MTHFD1: variants seen among roughly 807,000 people sequenced by gnomAD.
MTHFD1 encodes methylenetetrahydrofolate dehydrogenase, cyclohydrolase and formyltetrahydrofolate synthetase 1.
Under a neutral mutation model 110.3 loss-of-function variants are expected in MTHFD1, and 44 were observed. That is an observed-to-expected ratio of 0.40 (90% CI 0.31 to 0.51). The LOEUF is 0.51. MTHFD1 is among the 20% of genes least tolerant of loss of function. MTHFD1 has a pLI of 0.60. For missense variants in MTHFD1, 909 were observed against 1,173.1 expected, an observed-to-expected ratio of 0.77 and a Z score of 3.29; for synonymous variants, 402 against 428.8, an observed-to-expected ratio of 0.94 and a Z score of 0.77.
intron 1 of MTHFD1, among the ~76,000 whole-genome samples, chr14:64,394,374 AC>A (rs2077830734): frequency 6.6e-6 from 1 of 151,982 alleles, no homozygotes; most frequent in Non-Finnish European, 1.5e-5. Flanking sequence ...AGCAGGAGAC[AC>A]CCTGGGTTTG....
intron 22 of MTHFD1, chr14:64,445,177 C>A: frequency 3.9e-6 from 1 of 257,908 alleles, no homozygotes; most frequent in South Asian, 4.7e-5. Flanking sequence ...AAACCCTGTC[C>A]TAGACTAATA....
intron 16 of MTHFD1, among the ~76,000 whole-genome samples, chr14:64,437,194 A>T (rs1377486604): frequency 1.3e-5 from 2 of 152,070 alleles, no homozygotes; most frequent in African/African-American, 4.8e-5. Context: ...TAATTTTGAA[A>T]TAGAAAACAT....
chr14:64,457,894 T>C (rs1307580655), intron 26 of MTHFD1: 1 of 413,394 alleles, frequency 2.4e-6, no homozygotes, highest in Non-Finnish European at 4.4e-6. Flanking sequence ...AAAGTGAAAG[T>C]AAAGATGACT....
In MTHFD1 at chr14:64,431,530, A is replaced by G; in HGVS notation, c.1312-2A>G. ...ACTAATGTGGCTTCTGTTCTTTTGT[A>G]GTTTAATCTCCACCTCACAGGTGAC... On this transcript the variant is annotated splice_acceptor_variant, in intron 13 of 27. Transcript: ENST00000652337. LOFTEE classifies it high-confidence loss of function. 6.2e-7 allele frequency: 1 copy of G among 1,612,004 alleles called. No homozygotes were observed.
chr14:64,441,585 T>A (rs1024229154), intron 19 of MTHFD1, 132 bp downstream of exon 19: 3 of 754,892 alleles, frequency 4.0e-6, no homozygotes, highest in Non-Finnish European at 4.6e-6. Context: ...GGTGGGCAGA[T>A]CACAAGGTCA....
At chr14:64,454,566 TAATA>T (rs1390870108) in intron 25 of MTHFD1, among the ~76,000 whole-genome samples, 153 bp from the exon 26 acceptor site, 2 of 151,814 alleles carry the variant, frequency 1.3e-5, no homozygotes, top group African/African-American at 2.4e-5. Flanking sequence ...TTTTTTGGCT[TAATA>T]AATAAGCTGG....
intron 17 of MTHFD1, chr14:64,439,376 T>C: frequency 3.4e-6 from 2 of 593,562 alleles, no homozygotes; most frequent in Non-Finnish European, 6.1e-6. Flanking sequence ...TGTGTGTTTT[T>C]CCCCCGGCAT....
chr14:64,459,951 G>A lies in MTHFD1; in HGVS notation c.*197G>A. Reference sequence around the variant, plus strand: ...TCATGTATAAATTAACATAAATCATGCATGTCTGTTTACTTTAGTGACGTT... The same window carrying A: ...TCATGTATAAATTAACATAAATCATACATGTCTGTTTACTTTAGTGACGTT... On this transcript the variant is annotated 3_prime_UTR_variant, in exon 28 of 28. Transcript: ENST00000652337. 1 of 1,526,150 alleles carries A rather than the reference G, an allele frequency of 6.6e-7. No individual in the cohort carries two copies. The highest frequency in any genetic ancestry group is 8.8e-7 in the Non-Finnish European group (1 of 1,138,604). The allele number at this position is 1,526,150 out of a possible 1,614,324, so 94.5% of individuals were successfully genotyped here.
chr14:64,420,044 G>T, intron 8 of MTHFD1, 119 bp downstream of exon 8: 1 of 788,292 alleles, frequency 1.3e-6, no homozygotes, highest in South Asian at 1.5e-5. Context: ...AGGTTTAGGA[G>T]ACTGACTAGC....
At chr14:64,444,125 C>T (rs888360458) in intron 21 of MTHFD1, among the ~76,000 whole-genome samples, 6 of 146,060 alleles carry the variant, frequency 4.1e-5, no homozygotes, top group African/African-American at 7.5e-5. Flanking sequence ...GGGGGCGGGG[C>T]GGGGAGGCAC....
intron 19 of MTHFD1, 189 bp downstream of exon 19, chr14:64,441,642 TA>T (rs997304238): frequency 1.5e-4 from 89 of 602,174 alleles, no homozygotes; most frequent in Non-Finnish European, 2.6e-4. Flanking sequence ...CCGTCTCTAC[TA>T]AAAATACAAA....
At chr14:64,438,824 T>C (rs926377954) in intron 16 of MTHFD1, among the ~76,000 whole-genome samples, 5 of 152,346 alleles carry the variant, frequency 3.3e-5, no homozygotes, top group East Asian at 1.9e-4. Context: ...TGCTTTAAAA[T>C]AGATTCCAGA....
At chr14:64,456,550 T>C (rs2078476951) in intron 26 of MTHFD1, among the ~76,000 whole-genome samples, 1 of 152,182 alleles carries the variant, frequency 6.6e-6, no homozygotes, top group Admixed American at 6.5e-5. Context: ...CATCACTGTT[T>C]AGGGAACCAT....
At chr14:64,445,692 T>G (rs901964648) in intron 22 of MTHFD1, among the ~76,000 whole-genome samples, 2 of 152,224 alleles carry the variant, frequency 1.3e-5, no homozygotes, top group African/African-American at 4.8e-5. Flanking sequence ...GTCATTTGTC[T>G]GATTCACGCG....
intron 2 of MTHFD1, among the ~76,000 whole-genome samples, chr14:64,402,365 G>T (rs2077904272): frequency 6.6e-6 from 1 of 152,166 alleles, no homozygotes; most frequent in Non-Finnish European, 1.5e-5. Flanking sequence ...TTCAAGTATT[G>T]AGAAGCTGTC....
chr14:64,388,687 G>A (rs751201224), intron 1 of MTHFD1: 49 of 617,772 alleles, frequency 7.9e-5, no homozygotes, highest in Middle Eastern at 4.3e-4. Flanking sequence ...TGTGCTTCGG[G>A]GAAAAGTCCT....
intron 4 of MTHFD1, among the ~76,000 whole-genome samples, chr14:64,414,481 A>G (rs1371372397): frequency 6.6e-6 from 1 of 151,708 alleles, no homozygotes; most frequent in African/African-American, 2.4e-5. Flanking sequence ...TTGTAGAGAC[A>G]GGGTTTCACC....
intron 24 of MTHFD1, among the ~76,000 whole-genome samples, chr14:64,453,103 G>T (rs956695464): frequency 1.3e-5 from 2 of 151,640 alleles, no homozygotes; most frequent in Non-Finnish European, 2.9e-5. Flanking sequence ...CTTAGCGAGA[G>T]ATTTTAAATA....
chr14:64,450,086 G>A (rs765816037), intron 24 of MTHFD1, among the ~76,000 whole-genome samples: 3 of 152,146 alleles, frequency 2.0e-5, no homozygotes, highest in Non-Finnish European at 2.9e-5. Flanking sequence ...CACTGCGTCC[G>A]CCCAGACAGC....
Sources: gnomAD v4.1 joint callset for allele counts (sites outside exome capture counted in the v4.1 genomes callset) on GRCh38, gnomAD v4.1.1 for gene constraint, MANE v1.5 for transcripts, NCBI Gene and HGNC (gene_info 2026-07-23, HGNC 2026-07-21) for gene names.